Variants in CHCHD3 observed in about 807,000 individuals in gnomAD.
CHCHD3 encodes the protein coiled-coil-helix-coiled-coil-helix domain containing 3, also known as MICOS complex subunit MIC19.
Under a neutral mutation model 38.2 loss-of-function variants are expected in CHCHD3, and 20 were observed. That is an observed-to-expected ratio of 0.52 (90% CI 0.37 to 0.76). The LOEUF is 0.76. CHCHD3 is among the 30% of genes least tolerant of loss of function. CHCHD3 has a pLI of 0.00. For missense variants in CHCHD3, 245 were observed against 279.2 expected (o/e 0.88, Z 0.87); for synonymous variants, 82 against 100.0 (o/e 0.82, Z 1.07).
chr7:132,890,080 G>A (rs903736681), intron 4 of CHCHD3, among the ~76,000 whole-genome samples: 9 of 152,142 alleles, frequency 5.9e-5, no homozygotes, highest in Admixed American at 4.6e-4. Flanking sequence ...ACGTAACTGG[G>A]CTGGAAAATG....
intron 4 of CHCHD3, among the ~76,000 whole-genome samples, chr7:132,911,803 C>T (rs898592475): frequency 6.6e-6 from 1 of 152,186 alleles, no homozygotes; most frequent in Non-Finnish European, 1.5e-5. Context: ...ATGTATAAAA[C>T]TTTGCTATCC....
At position 132,854,396 on chromosome 7, in the gene CHCHD3, G is replaced by A. The variant is rs1221976601; in HGVS notation, c.454-15927C>T. On this transcript the variant is annotated intron_variant, in intron 5 of 7. Transcript: ENST00000262570. ...AGAAGAAATGTTTAAATTCCTTTAAGTTTTAGCCCTTGGTGAACAGATATA... is the reference window on the plus strand; with the variant it reads ...AGAAGAAATGTTTAAATTCCTTTAAATTTTAGCCCTTGGTGAACAGATATA... Among the ~76,000 whole-genome samples the A allele has an allele frequency of 2.0e-5, 3 of 152,072 alleles. No homozygotes were observed. The East Asian group carries it at 5.8e-4, about 29-fold the overall frequency.
rs531740125 is a variant in CHCHD3 at position 132,899,077 on chromosome 7, GCTC to G, written c.370-13335_370-13333del. 3.9e-5 allele frequency among the ~76,000 whole-genome samples: 6 copies of G among 152,326 alleles called. No individual in the cohort carries two copies. In the South Asian group the frequency reaches 1.0e-3, roughly 26 times the overall value. On this transcript the variant is annotated intron_variant, in intron 4 of 7. Transcript: ENST00000262570. ...CCACAGTGCAGCGGTGGGCTGAAGG[GCTC>G]CTCAAGTGCCACCAAACTGGGAGCC...
intron 3 of CHCHD3, among the ~76,000 whole-genome samples, chr7:133,019,098 G>A (rs970095374): frequency 6.6e-6 from 1 of 151,794 alleles, no homozygotes; most frequent in Non-Finnish European, 1.5e-5. Flanking sequence ...GGTCAGGCTG[G>A]TCTCAAACTC....
At position 132,949,833 on chromosome 7, in the gene CHCHD3, T is replaced by C. The variant is rs376460069; in HGVS notation, c.369+25336A>G. Reference sequence around the variant, plus strand: ...GGAGTGCAGTATGAAAATTATAATATTGGTAAGGCTACAAAGATCATTGTA... The same window carrying C: ...GGAGTGCAGTATGAAAATTATAATACTGGTAAGGCTACAAAGATCATTGTA... On this transcript the variant is annotated intron_variant, in intron 4 of 7. Coordinates refer to ENST00000262570, the MANE Select transcript of CHCHD3 (RefSeq NM_017812.4). 1.5e-4 allele frequency among the ~76,000 whole-genome samples: 23 copies of C among 152,206 alleles called. 1 individual carries two copies. The highest frequency in any genetic ancestry group is 2.4e-4 in the African/African-American group (10 of 41,554).
intron 2 of CHCHD3, among the ~76,000 whole-genome samples, chr7:133,050,707 T>C (rs1042397821): frequency 6.6e-6 from 1 of 152,162 alleles, no homozygotes; most frequent in African/African-American, 2.4e-5. Context: ...TATTTCTTAG[T>C]GGAACATAAA....
At chr7:132,861,331 C>T (rs1038608264) in intron 5 of CHCHD3, among the ~76,000 whole-genome samples, 1 of 152,196 alleles carries the variant, frequency 6.6e-6, no homozygotes, top group Admixed American at 6.5e-5. Flanking sequence ...GTCGTTAGAT[C>T]ACCTCATCTG....
chr7:132,971,732 T>G (rs1199353411), intron 4 of CHCHD3, among the ~76,000 whole-genome samples: 1 of 152,230 alleles, frequency 6.6e-6, no homozygotes, highest in Non-Finnish European at 1.5e-5. Context: ...TTTTAATTAC[T>G]TCACATGTGT....
chr7:132,985,179 C>T lies in CHCHD3; in HGVS notation c.252-9893G>A, dbSNP rs1191945737. On this transcript the variant is annotated intron_variant, in intron 3 of 7. Coordinates refer to ENST00000262570, the MANE Select transcript of CHCHD3 (RefSeq NM_017812.4). ...TGAGGAGTCCCTCTGCCCGGCCAGC[C>T]GCCCCGTCCGGAAGGGAGGTGGGGG... 8.1e-5 allele frequency among the ~76,000 whole-genome samples: 6 copies of T among 74,524 alleles called. 1 individual carries two copies. The highest frequency in any genetic ancestry group is 4.5e-4 in the South Asian group (1 of 2,224). The allele number at this position is 74,524 out of a possible 152,430, so 48.9% of individuals were successfully genotyped here.
chr7:133,042,955 G>C (rs1178771936), intron 2 of CHCHD3, among the ~76,000 whole-genome samples: 1 of 151,940 alleles, frequency 6.6e-6, no homozygotes, highest in Non-Finnish European at 1.5e-5. Context: ...TAGCATCAAT[G>C]GCCAGGGCTC....
At chr7:132,802,180 G>A (rs563216348) in intron 6 of CHCHD3, among the ~76,000 whole-genome samples, 3 of 152,150 alleles carry the variant, frequency 2.0e-5, no homozygotes, top group African/African-American at 7.2e-5. Flanking sequence ...ATAATATTGG[G>A]TCCTTGGAAA....
chr7:133,020,107 G>C (rs909941581), intron 3 of CHCHD3, among the ~76,000 whole-genome samples: 1 of 151,996 alleles, frequency 6.6e-6, no homozygotes, highest in Non-Finnish European at 1.5e-5. Flanking sequence ...AAAAATTTTC[G>C]TGTGTGCACT....
At chr7:133,047,813 C>T (rs900536642) in intron 2 of CHCHD3, among the ~76,000 whole-genome samples, 1 of 152,118 alleles carries the variant, frequency 6.6e-6, no homozygotes, top group Non-Finnish European at 1.5e-5. Flanking sequence ...CAGGGCCAGG[C>T]GCGGTGGCTC....
intron 5 of CHCHD3, among the ~76,000 whole-genome samples, chr7:132,844,378 A>AT (rs1361491494): frequency 4.6e-5 from 7 of 152,152 alleles, no homozygotes; most frequent in African/African-American, 9.7e-5. Flanking sequence ...ATGAATAATC[A>AT]TTTTTTTGTG....
intron 2 of CHCHD3, among the ~76,000 whole-genome samples, chr7:133,053,153 C>G (rs578150325): frequency 1.3e-5 from 2 of 152,278 alleles, no homozygotes; most frequent in East Asian, 3.9e-4. Flanking sequence ...TTATTTATAG[C>G]TATGTTAGCC....
At chr7:133,024,357 G>C (rs1291595995) in intron 3 of CHCHD3, among the ~76,000 whole-genome samples, 189 bp downstream of exon 3, 1 of 152,164 alleles carries the variant, frequency 6.6e-6, no homozygotes, top group Admixed American at 6.5e-5. Flanking sequence ...AGTCAGCTTT[G>C]GGAAGCAGGT....
At chr7:132,981,828 T>G (rs1046530485) in intron 3 of CHCHD3, among the ~76,000 whole-genome samples, 6 of 152,192 alleles carry the variant, frequency 3.9e-5, no homozygotes, top group Admixed American at 6.5e-5. Flanking sequence ...TTGCTAGAGA[T>G]AAAGTGATTT....
At chr7:132,916,886 C>T (rs899233709) in intron 4 of CHCHD3, among the ~76,000 whole-genome samples, 16 of 152,220 alleles carry the variant, frequency 1.1e-4, no homozygotes, top group Admixed American at 8.5e-4. Context: ...TGGCTACTAT[C>T]CCTAATTTAT....
At chr7:132,825,936 C>T (rs575374976) in intron 6 of CHCHD3, among the ~76,000 whole-genome samples, 3 of 152,310 alleles carry the variant, frequency 2.0e-5, no homozygotes, top group African/African-American at 7.2e-5. Context: ...TAAAGCAGGC[C>T]AAGCAAGCTT....
Sources: gnomAD v4.1 joint callset for allele counts (sites outside exome capture counted in the v4.1 genomes callset) on GRCh38, gnomAD v4.1.1 for gene constraint, MANE v1.5 for transcripts, NCBI Gene and HGNC (gene_info 2026-07-23, HGNC 2026-07-21) for gene names.